SLC44A5: variants seen among roughly 807,000 people sequenced by gnomAD.
The protein encoded by SLC44A5 is solute carrier family 44 member 5.
In SLC44A5, 57 loss-of-function variants were observed where a neutral mutation model predicts 101.8. The observed-to-expected ratio is 0.56, with a 90% confidence interval of 0.45 to 0.70. The LOEUF (loss-of-function observed/expected upper bound fraction) is 0.70, where lower values mean the gene tolerates loss of function less well. Ranked by LOEUF, SLC44A5 falls within the 30% of genes least tolerant of loss-of-function variation. The pLI is 0.00. For missense variants in SLC44A5, 737 were observed against 853.1 expected (o/e 0.86, Z 1.70); for synonymous variants, 281 against 290.9 (o/e 0.97, Z 0.35).
chr1:75,377,064 A>G (rs1230770101), intron 3 of SLC44A5, among the ~76,000 whole-genome samples: 1 of 152,216 alleles, frequency 6.6e-6, no homozygotes, highest in Non-Finnish European at 1.5e-5. Flanking sequence ...ATCAACTGGA[A>G]GAAAGGGTAT....
chr1:75,276,856 TG>T (rs1419851099), intron 5 of SLC44A5, among the ~76,000 whole-genome samples: 1 of 152,106 alleles, frequency 6.6e-6, no homozygotes, highest in Non-Finnish European at 1.5e-5. Flanking sequence ...TGCGGGCAGC[TG>T]GGGCTCCATC....
Position 75,211,457 on chromosome 1 carries a change from T to C in SLC44A5, c.2047+11A>G. On this transcript the variant is annotated intron_variant, in intron 23 of 23. Transcript: ENST00000370859. ...CACCGAAGGGGGAAAACACACATAC[T>C]GAATACTCACAGAAGCAGATGAAAA... The C allele has an allele frequency of 6.2e-7, 1 of 1,604,166 alleles. No homozygotes were observed. The highest frequency in any genetic ancestry group is 8.5e-7 in the Non-Finnish European group (1 of 1,171,820).
At chr1:75,244,802 A>T (rs1272193292) in intron 7 of SLC44A5, among the ~76,000 whole-genome samples, 1 of 152,014 alleles carries the variant, frequency 6.6e-6, no homozygotes, top group Non-Finnish European at 1.5e-5. Flanking sequence ...GCTTTTTTTT[A>T]CAATAAAAAA....
rs904996301 is a variant in SLC44A5, at chr1:75,291,544, T to C, written c.175+9068A>G. ...TGATTCACAGAGGCAGATGATCACA[T>C]GACGGAGGTCAGGGATGATGTTTCT... On this transcript the variant is annotated intron_variant, in intron 5 of 23. Transcript: ENST00000370859. Among the ~76,000 whole-genome samples the C allele has an allele frequency of 1.3e-5, 2 of 152,144 alleles. 1 individual carries two copies. Among genetic ancestry groups the C allele is most frequent in the Admixed American group, 1.3e-4 (2 of 15,268 alleles).
chr1:75,443,406 T>C lies in SLC44A5; in HGVS notation c.14-46785A>G, dbSNP rs1408784008. On this transcript the variant is annotated intron_variant, in intron 2 of 23. Transcript: ENST00000370859. The stretch of plus-strand genomic sequence containing the variant: ...AAAACACAAATAAATGGATATTGAA[T>C]ATGAAAGGGGTGTATAACTACAAAC... 2.6e-5 allele frequency among the ~76,000 whole-genome samples: 4 copies of C among 151,892 alleles called. 1 individual carries two copies. Among genetic ancestry groups the C allele is most frequent in the South Asian group, 4.1e-4 (2 of 4,834 alleles).
chr1:75,645,550 G>A, the SLC44A5 span, among the ~76,000 whole-genome samples: 1 of 151,520 alleles, frequency 6.6e-6, no homozygotes, highest in Non-Finnish European at 1.5e-5. Flanking sequence ...TGAGTAGATT[G>A]CAAAAATTTT....
At chr1:75,566,487 A>G (rs1265237943) in intron 1 of SLC44A5, among the ~76,000 whole-genome samples, 1 of 152,238 alleles carries the variant, frequency 6.6e-6, no homozygotes, top group Admixed American at 6.5e-5. Context: ...CAGTACCAGT[A>G]TGAAATAAAT....
intron 3 of SLC44A5, among the ~76,000 whole-genome samples, chr1:75,359,824 C>T (rs79407834): frequency 6.6e-6 from 1 of 152,152 alleles, no homozygotes; most frequent in Non-Finnish European, 1.5e-5. Flanking sequence ...TACATCCTCA[C>T]CAACACTTGT....
At chr1:75,280,354 T>A (rs1283441632) in intron 5 of SLC44A5, among the ~76,000 whole-genome samples, 1 of 73,204 alleles carries the variant, frequency 1.4e-5, no homozygotes, top group African/African-American at 5.5e-5. Flanking sequence ...ATATATATAT[T>A]GTATATATTA....
chr1:75,718,292 T>C, the SLC44A5 span, among the ~76,000 whole-genome samples: 2 of 152,064 alleles, frequency 1.3e-5, no homozygotes, highest in South Asian at 2.1e-4. Flanking sequence ...CCTCAGAGGG[T>C]AGAGTAGAAG....
chr1:75,514,009 A>T (rs751842576), intron 2 of SLC44A5, among the ~76,000 whole-genome samples: 4 of 152,108 alleles, frequency 2.6e-5, no homozygotes, highest in African/African-American at 9.6e-5. Context: ...TGGCTAATTT[A>T]AAAAAAATTT....
chr1:75,610,097 A>G (rs1675564959), intron 1 of SLC44A5, among the ~76,000 whole-genome samples: 1 of 151,404 alleles, frequency 6.6e-6, no homozygotes, highest in Non-Finnish European at 1.5e-5. Context: ...TTCTTCCCAC[A>G]CAGAGCTAAG....
intron 3 of SLC44A5, among the ~76,000 whole-genome samples, chr1:75,372,566 A>G (rs1232051642): frequency 6.6e-6 from 1 of 152,174 alleles, no homozygotes; most frequent in Non-Finnish European, 1.5e-5. Flanking sequence ...TGTAAAAGTT[A>G]GTTGAACAAT....
intron 3 of SLC44A5, among the ~76,000 whole-genome samples, chr1:75,348,754 G>A (rs1327571691): frequency 2.0e-5 from 3 of 152,124 alleles, no homozygotes; most frequent in Non-Finnish European, 2.9e-5. Context: ...ATAGATATAT[G>A]AAGTCTTCAG....
At chr1:75,396,004 C>T (rs534222772) in intron 3 of SLC44A5, among the ~76,000 whole-genome samples, 45 of 152,254 alleles carry the variant, frequency 3.0e-4, no homozygotes, top group African/African-American at 1.0e-3. Context: ...TTTGTTTGCA[C>T]ATGAATCACC....
chr1:75,233,849 TC>T, intron 12 of SLC44A5, 136 bp downstream of exon 12: 1 of 647,752 alleles, frequency 1.5e-6, no homozygotes, highest in Non-Finnish European at 2.6e-6. Flanking sequence ...AAATATTTTT[TC>T]TAAGTTTAAA....
chr1:75,435,769 C>A (rs909984908), intron 2 of SLC44A5, among the ~76,000 whole-genome samples: 1 of 152,074 alleles, frequency 6.6e-6, no homozygotes, highest in Non-Finnish European at 1.5e-5. Context: ...ATAAAAAGAT[C>A]ATCAGCAATG....
In SLC44A5 at chr1:75,444,469, G is replaced by GAA. The variant is rs1187240005; in HGVS notation, c.14-47850_14-47849dup. ...AAAGAAAGAAAGAAAAAGAAAAAAA[G>GAA]AAAGAGAAAGAAAGAAGAAAGAAAG... is the stretch of plus-strand genomic sequence containing the variant. On this transcript the variant is annotated intron_variant, in intron 2 of 23. Coordinates refer to ENST00000370859, the MANE Select transcript of SLC44A5 (RefSeq NM_001130058.2). Among the ~76,000 whole-genome samples, 689 of 135,578 alleles carry GAA rather than the reference G, an allele frequency of 5.1e-3. 5 individuals are homozygous for GAA. The highest frequency in any genetic ancestry group is 0.018 in the African/African-American group (666 of 37,406). The allele number at this position is 135,578 out of a possible 152,430, so 88.9% of individuals were successfully genotyped here.
At chr1:75,306,559 A>G (rs1242019908) in intron 4 of SLC44A5, among the ~76,000 whole-genome samples, 2 of 152,044 alleles carry the variant, frequency 1.3e-5, no homozygotes, top group East Asian at 3.9e-4. Context: ...AACAAATGCA[A>G]ACAAAAAAAA....
Sources: allele counts gnomAD v4.1 joint callset (sites outside exome capture counted in the v4.1 genomes callset), GRCh38; gene constraint gnomAD v4.1.1; transcripts MANE v1.5; gene names NCBI Gene and HGNC (gene_info 2026-07-23, HGNC 2026-07-21).